FRMD8: variants seen among roughly 807,000 people sequenced by gnomAD.
FRMD8 encodes FERM domain containing 8, also known as FERM domain-containing protein 8.
A neutral mutation model predicts 54.2 loss-of-function variants in FRMD8; 37 were observed. The ratio of observed to expected loss-of-function variants is 0.68; its 90% CI spans 0.53 to 0.90. The LOEUF (loss-of-function observed/expected upper bound fraction) is 0.90, where lower values mean the gene tolerates loss of function less well. Ranked by LOEUF, FRMD8 falls within the 40% of genes least tolerant of loss-of-function variation. The probability of loss-of-function intolerance (pLI) is 0.00; values close to 1 mark genes in which losing one functional copy is unlikely to be tolerated. For missense variants in FRMD8, 585 were observed against 653.7 expected (o/e 0.89, Z 1.15); for synonymous variants, 246 against 286.9 (o/e 0.86, Z 1.44).
chr11:65,391,987 G>C (rs1179299961), intron 3 of FRMD8, among the ~76,000 whole-genome samples: 1 of 152,248 alleles, frequency 6.6e-6, no homozygotes, highest in African/African-American at 2.4e-5. Context: ...TTCCCAGACA[G>C]AGAGAGCATG....
In FRMD8 at chr11:65,410,355, C is replaced by T. The variant is rs114636609; in HGVS notation, c.1277-887C>T. Among the ~76,000 whole-genome samples the T allele has an allele frequency of 2.3e-3, 343 of 148,518 alleles. 3 individuals are homozygous for T. The highest frequency in any genetic ancestry group is 8.1e-3 in the African/African-American group (325 of 40,124). On this transcript the variant is annotated intron_variant, in intron 10 of 10. Coordinates refer to ENST00000317568, the MANE Select transcript of FRMD8 (RefSeq NM_031904.5). The stretch of plus-strand genomic sequence containing the variant: ...TACTAAAAATACAAAAATTAGTGTG[C>T]GTGGTGGCGCACACCTGTAGTCCCA...
the FRMD8 span, chr11:65,377,458 C>A: frequency 9.9e-7 from 1 of 1,014,480 alleles, no homozygotes; most frequent in Non-Finnish European, 1.2e-6. Flanking sequence ...AAGGATTCAG[C>A]CTGTGACTGT....
At chr11:65,376,944 C>T in the FRMD8 span, 1 of 1,613,050 alleles carries the variant, frequency 6.2e-7, no homozygotes, top group Non-Finnish European at 8.5e-7. Flanking sequence ...CGGGGCCCCT[C>T]CTCCCGGAAG....
chr11:65,410,528 C>G (rs536173488), intron 10 of FRMD8, among the ~76,000 whole-genome samples: 63 of 152,086 alleles, frequency 4.1e-4, no homozygotes, highest in African/African-American at 5.5e-4. Context: ...CAGTGGCTCA[C>G]GCCTGTAATC....
At chr11:65,372,339 C>T in the FRMD8 span, among the ~76,000 whole-genome samples, 23 of 152,290 alleles carry the variant, frequency 1.5e-4, no homozygotes, top group East Asian at 4.2e-3. Flanking sequence ...TCACTAATCA[C>T]ACCATACTAA....
chr11:65,404,100 G>C lies in FRMD8; in HGVS notation c.1072-764G>C, dbSNP rs1252532950. The stretch of plus-strand genomic sequence containing the variant: ...AGGGATTGTAGCTGCCCTGTGGAGA[G>C]GCAGGAGCCAGGCCAGTCTCCGCAG... On this transcript the variant is annotated intron_variant, in intron 9 of 10. Coordinates refer to ENST00000317568, the MANE Select transcript of FRMD8 (RefSeq NM_031904.5). The surrounding 1 kb of genome is among the most constrained non-coding windows in gnomAD (Gnocchi z 4.7). 2.0e-5 allele frequency among the ~76,000 whole-genome samples: 3 copies of C among 152,168 alleles called. No homozygotes were observed. Among genetic ancestry groups the C allele is most frequent in the African/African-American group, 7.2e-5 (3 of 41,442 alleles).
At chr11:65,379,180 C>T in the FRMD8 span, 3 of 622,048 alleles carry the variant, frequency 4.8e-6, no homozygotes, top group Non-Finnish European at 8.3e-6. Context: ...CCAGCTGTCT[C>T]TGCCTTTTGC....
the FRMD8 span, among the ~76,000 whole-genome samples, chr11:65,372,208 A>G: frequency 1.3e-5 from 2 of 152,202 alleles, no homozygotes; most frequent in Non-Finnish European, 2.9e-5. Context: ...CACCATGCCT[A>G]GCCAACATCT....
chr11:65,377,465 C>G, the FRMD8 span: 1 of 995,788 alleles, frequency 1.0e-6, no homozygotes, highest in Non-Finnish European at 1.2e-6. Context: ...CAGCCTGTGA[C>G]TGTGAAATAG....
chr11:65,384,127 C>G (rs910330441), upstream of FRMD8, among the ~76,000 whole-genome samples: 3 of 152,176 alleles, frequency 2.0e-5, no homozygotes, highest in African/African-American at 7.2e-5. Flanking sequence ...ATTCCCACTT[C>G]CCTACAGCCT....
the FRMD8 span, among the ~76,000 whole-genome samples, chr11:65,374,245 C>T: frequency 7.0e-6 from 1 of 141,918 alleles, no homozygotes; most frequent in South Asian, 2.1e-4. Flanking sequence ...AGTATGGTCC[C>T]GGCAGGTCTA....
chr11:65,379,651 A>G, the FRMD8 span: 2 of 1,398,822 alleles, frequency 1.4e-6, no homozygotes, highest in Non-Finnish European at 1.9e-6. Flanking sequence ...CTGGCTGGAA[A>G]CTGCTCCCAA....
chr11:65,373,111 G>A, the FRMD8 span, among the ~76,000 whole-genome samples: 3 of 152,274 alleles, frequency 2.0e-5, no homozygotes, highest in South Asian at 6.2e-4. Flanking sequence ...AAAATTAGCC[G>A]GGCATGGTGG....
Position 65,412,233 on chromosome 11 carries a change from A to G in FRMD8, c.*873A>G, listed in dbSNP as rs1347350274. The G allele has an allele frequency of 6.6e-6, 1 of 152,314 alleles. No individual in the cohort carries two copies. Among genetic ancestry groups the G allele is most frequent in the African/African-American group, 2.4e-5 (1 of 41,450 alleles). 9.4% of individuals were successfully genotyped at this position (152,314 alleles called of 1,614,324 possible). ...TCCCTGGAGCCCAAGCAGCTCCCCT[A>G]GGGGACTGACCGGACCTGACCTCCC... On this transcript the variant is annotated 3_prime_UTR_variant, in exon 11 of 11. Coordinates refer to ENST00000317568, the MANE Select transcript of FRMD8 (RefSeq NM_031904.5).
chr11:65,396,914 G>A lies in FRMD8; in HGVS notation c.697G>A (p.Ala233Thr), dbSNP rs929031834. The change falls in exon 7 of 11, where the codon GCC becomes ACC. Residue 233 changes from alanine (A) to threonine (T), a missense_variant. Coordinates refer to ENST00000317568, the MANE Select transcript of FRMD8 (RefSeq NM_031904.5). Reference protein sequence around the residue: ...AGPGEQGLLNAYRQVQEVSSD... With the variant: ...AGPGEQGLLNTYRQVQEVSSD... Reference sequence around the variant, plus strand: ...GCCGGGCGAGCAGGGCCTGCTGAACGCCTACCGCCAGGTGCAGGAGGTCAG... The same window carrying A: ...GCCGGGCGAGCAGGGCCTGCTGAACACCTACCGCCAGGTGCAGGAGGTCAG... The A allele has an allele frequency of 8.4e-6, 13 of 1,553,344 alleles. No individual in the cohort carries two copies. Among genetic ancestry groups the A allele is most frequent in the African/African-American group, 6.9e-5 (5 of 72,742 alleles).
chr11:65,394,057 G>T lies in FRMD8; in HGVS notation c.372G>T (p.Gln124His). The T allele has an allele frequency of 7.4e-6, 12 of 1,614,182 alleles. No individual in the cohort carries two copies. The highest frequency in any genetic ancestry group is 1.1e-5 in the South Asian group (1 of 91,086). The change falls in exon 5 of 11, where the codon CAG (glutamine) becomes CAT (histidine). Residue 124 changes from glutamine to histidine, a missense_variant. Coordinates refer to ENST00000317568, the MANE Select transcript of FRMD8 (RefSeq NM_031904.5). ...TCTCCCCAGATGAGCCTTTCCTGCA[G>T]TTCCGAAGGAACGTGTTCTTCCCAA... ...DDVAMDEPFL[Q>H]FRRNVFFPKR...
At chr11:65,373,995 C>T in the FRMD8 span, among the ~76,000 whole-genome samples, 1 of 151,032 alleles carries the variant, frequency 6.6e-6, no homozygotes. Flanking sequence ...GCTTGCTAAA[C>T]TGTTGCAACA....
At position 65,400,044 on chromosome 11, in the gene FRMD8, C is replaced by T. The variant is rs771509921; in HGVS notation, c.927+185C>T. 3 of 677,148 alleles carry T rather than the reference C, an allele frequency of 4.4e-6. No individual in the cohort carries two copies. The highest frequency in any genetic ancestry group is 2.3e-6 in the Non-Finnish European group (1 of 427,734). 41.9% of individuals were successfully genotyped at this position (677,148 alleles called of 1,614,324 possible). A position where few individuals can be genotyped will look rare whatever the true frequency, so the allele number is the denominator to read the frequency against. ...ATCCTGGGTCCTCTTGCCCAACATG[C>T]TAGGCTGTGGGGTGGCCGGGGCAGG... On this transcript the variant is annotated intron_variant, in intron 8 of 10. Coordinates refer to ENST00000317568, the MANE Select transcript of FRMD8 (RefSeq NM_031904.5). The surrounding 1 kb of genome is among the most constrained non-coding windows in gnomAD (Gnocchi z 4.3).
At chr11:65,392,193 A>C (rs1855859342) in intron 3 of FRMD8, among the ~76,000 whole-genome samples, 2 of 152,274 alleles carry the variant, frequency 1.3e-5, no homozygotes, top group South Asian at 4.1e-4. Flanking sequence ...TGTTGGGACG[A>C]GAAAGGGCTG....
Sources: gnomAD v4.1 joint callset for allele counts (sites outside exome capture counted in the v4.1 genomes callset) on GRCh38, gnomAD v4.1.1 for gene constraint, Gnocchi (gnomAD v3.1) non-coding constraint, MANE v1.5 for transcripts, NCBI Gene and HGNC (gene_info 2026-07-23, HGNC 2026-07-21) for gene names.